Variants in POFUT2 observed in about 807,000 individuals in gnomAD.
POFUT2 encodes the protein protein O-fucosyltransferase 2, also known as GDP-fucose protein O-fucosyltransferase 2.
In POFUT2, 30 loss-of-function variants were observed where a neutral mutation model predicts 55.0. That is an observed-to-expected ratio of 0.55 (90% CI 0.41 to 0.74). The LOEUF is 0.74. Among genes scored for constraint, POFUT2 ranks in the 30% least tolerant of loss-of-function variants. The pLI is 0.00. For synonymous variants in POFUT2, 267 were observed against 231.1 expected (o/e 1.16, Z -1.41); for missense variants, 524 against 562.6 (o/e 0.93, Z 0.69).
At chr21:45,268,582 G>A (rs1298219513) in intron 7 of POFUT2, among the ~76,000 whole-genome samples, 2 of 151,448 alleles carry the variant, frequency 1.3e-5, no homozygotes, top group Non-Finnish European at 2.9e-5. Context: ...AGTGAGGAGC[G>A]TCTCTGCCCA....
chr21:45,268,337 C>A (rs1015070420), intron 7 of POFUT2, among the ~76,000 whole-genome samples: 2 of 152,210 alleles, frequency 1.3e-5, no homozygotes, highest in African/African-American at 4.8e-5. Context: ...TCGCTACAAC[C>A]TACACCTCCC....
chr21:45,271,588 C>G (rs1267699714), intron 6 of POFUT2, among the ~76,000 whole-genome samples: 1 of 152,176 alleles, frequency 6.6e-6, no homozygotes, highest in Non-Finnish European at 1.5e-5. Context: ...ATCTCCTAGG[C>G]ACACAGTCAT....
chr21:45,272,487 G>C (rs1034437533), intron 6 of POFUT2, among the ~76,000 whole-genome samples: 2 of 152,188 alleles, frequency 1.3e-5, no homozygotes, highest in Non-Finnish European at 2.9e-5. Context: ...TGACAGCACT[G>C]GACAGGTCAT....
Position 45,267,759 on chromosome 21 carries a change from AG to A in POFUT2, c.1013-47del. The stretch of plus-strand genomic sequence containing the variant: ...CCCTTTGAACCGGGATCCTCCAGTA[AG>A]GACAGATACGTGACTCTTTAGCAGA... On this transcript the variant is annotated intron_variant, in intron 7 of 8. Coordinates refer to ENST00000349485, the MANE Select transcript of POFUT2 (RefSeq NM_133635.6). The surrounding 1 kb of genome is among the most constrained non-coding windows in gnomAD (Gnocchi z 4.4). 1 of 1,555,090 alleles carries A rather than the reference AG, an allele frequency of 6.4e-7. No homozygotes were observed.
At chr21:45,283,594 A>G in intron 2 of POFUT2, 67 bp from the exon 3 acceptor site, 1 of 1,525,228 alleles carries the variant, frequency 6.6e-7, no homozygotes, top group Non-Finnish European at 9.0e-7. Context: ...GGCATGCATC[A>G]GTCACCAGCA....
chr21:45,282,164 G>C lies in POFUT2; in HGVS notation c.638+185C>G, dbSNP rs955244767. Among the ~76,000 whole-genome samples the C allele has an allele frequency of 6.6e-6, 1 of 152,168 alleles. No homozygotes were observed. Among genetic ancestry groups the C allele is most frequent in the Admixed American group, 6.5e-5 (1 of 15,270 alleles). ...TCCACGTCACCCACTGCACCCACTGGGCTGTTTCGCAGAGACACATGCAAG... is the reference window on the plus strand; with the variant it reads ...TCCACGTCACCCACTGCACCCACTGCGCTGTTTCGCAGAGACACATGCAAG... On this transcript the variant is annotated intron_variant, in intron 4 of 8. Transcript: ENST00000349485. This position sits in a 1 kb window ranked among gnomAD's most constrained non-coding sequence, Gnocchi z 4.6.
In POFUT2 at chr21:45,270,850, G is replaced by A. The variant is rs956627280; in HGVS notation, c.832-831C>T. ...GGGAGCCCCATCCCTAGGGGAAGGC[G>A]AAGAGCGCCACAGAGCACCCCGTGG... On this transcript the variant is annotated intron_variant, in intron 6 of 8. Coordinates refer to ENST00000349485, the MANE Select transcript of POFUT2 (RefSeq NM_133635.6). This position sits in a 1 kb window ranked among gnomAD's most constrained non-coding sequence, Gnocchi z 4.6. Among the ~76,000 whole-genome samples the A allele has an allele frequency of 1.2e-4, 19 of 152,376 alleles. No individual in the cohort carries two copies. The highest frequency in any genetic ancestry group is 2.0e-4 in the Admixed American group (3 of 15,310).
At chr21:45,266,641 G>A in intron 8 of POFUT2, 1 of 1,003,556 alleles carries the variant, frequency 1.0e-6, no homozygotes, top group Non-Finnish European at 1.2e-6. Context: ...CATCCTGTCT[G>A]CTTAACAGGG....
At chr21:45,269,289 C>A (rs1036490695) in intron 7 of POFUT2, among the ~76,000 whole-genome samples, 10 of 152,206 alleles carry the variant, frequency 6.6e-5, no homozygotes, top group African/African-American at 2.4e-4. Context: ...GGGAGGGGTA[C>A]CCAACAGCTC....
At chr21:45,283,320 G>C (rs2030963201) in intron 3 of POFUT2, 63 bp downstream of exon 3, 3 of 798,872 alleles carry the variant, frequency 3.8e-6, no homozygotes, top group African/African-American at 2.9e-5. Context: ...GGGGGGGGGG[G>C]ACGCATGCGG....
rs1355007083 is a variant in POFUT2 at position 45,287,887 on chromosome 21, C to T, written c.-16G>A. 7.6e-7 allele frequency: 1 copy of T among 1,315,092 alleles called. No homozygotes were observed. The highest frequency in any genetic ancestry group is 2.0e-5 in the South Asian group (1 of 50,298). 81.5% of individuals were successfully genotyped at this position (1,315,092 alleles called of 1,614,324 possible). ...GTGTCGCCATGGCCCCGGGCGGCCA[C>T]GCACTTCCGGCGGCCGCGCCCCGCC... On this transcript the variant is annotated 5_prime_UTR_variant, in exon 1 of 9. It adds an upstream start codon to the 5' untranslated region. Transcript: ENST00000349485.
chr21:45,271,187 C>G (rs1487968986), intron 6 of POFUT2, among the ~76,000 whole-genome samples: 1 of 151,314 alleles, frequency 6.6e-6, no homozygotes, highest in African/African-American at 2.4e-5. Flanking sequence ...CTCCAGATAA[C>G]TAGGTATCTT....
rs1028896141 is a variant in POFUT2, at chr21:45,270,802, C to A, written c.832-783G>T. Among the ~76,000 whole-genome samples, 13 of 152,236 alleles carry A rather than the reference C, an allele frequency of 8.5e-5. No homozygotes were observed. The highest frequency in any genetic ancestry group is 7.3e-5 in the Non-Finnish European group (5 of 68,042). On this transcript the variant is annotated intron_variant, in intron 6 of 8. Coordinates refer to ENST00000349485, the MANE Select transcript of POFUT2 (RefSeq NM_133635.6). This position sits in a 1 kb window ranked among gnomAD's most constrained non-coding sequence, Gnocchi z 4.6. The stretch of plus-strand genomic sequence containing the variant: ...GTGGCTAGACCCAGAAGAGCAATAA[C>A]AATCACTGCAGCCCAGCTCTCAGGG...
At chr21:45,273,594 CA>C (rs2093237934) in intron 6 of POFUT2, among the ~76,000 whole-genome samples, 1 of 152,178 alleles carries the variant, frequency 6.6e-6, no homozygotes, top group Admixed American at 6.5e-5. Context: ...AATCCAACAA[CA>C]TATCAAAAAG....
At chr21:45,276,194 G>A (rs8127834) in intron 6 of POFUT2, among the ~76,000 whole-genome samples, 48,480 of 147,834 alleles carry the variant, frequency 0.33, 8,033 homozygotes, top group East Asian at 0.45. Context: ...GTCTCAAAAC[G>A]AAAACAAAAA....
At chr21:45,268,354 C>T (rs1197633944) in intron 7 of POFUT2, among the ~76,000 whole-genome samples, 1 of 152,156 alleles carries the variant, frequency 6.6e-6, no homozygotes, top group African/African-American at 2.4e-5. Flanking sequence ...TCCCAGCCGC[C>T]TGCCTTGGCC....
intron 6 of POFUT2, among the ~76,000 whole-genome samples, chr21:45,276,676 C>G (rs959914799): frequency 6.6e-6 from 1 of 152,158 alleles, no homozygotes; most frequent in Admixed American, 6.5e-5. Flanking sequence ...GGAAAAAGGC[C>G]GAACGTGCCT....
rs1291510748 is a variant in POFUT2 at position 45,282,850 on chromosome 21, C to G, written c.528-391G>C. The stretch of plus-strand genomic sequence containing the variant: ...TGCCCTGGCACTGGACACATGGAGG[C>G]TGTTAACTGACAGCTTTTCCACAGG... On this transcript the variant is annotated intron_variant, in intron 3 of 8. Transcript: ENST00000349485. The surrounding 1 kb of genome is among the most constrained non-coding windows in gnomAD (Gnocchi z 4.6). 4.2e-6 allele frequency: 2 copies of G among 481,216 alleles called. No homozygotes were observed. The highest frequency in any genetic ancestry group is 8.5e-6 in the Non-Finnish European group (2 of 234,368). 29.8% of individuals were successfully genotyped at this position (481,216 alleles called of 1,614,324 possible).
chr21:45,266,138 A>G, intron 8 of POFUT2: 1 of 1,364,760 alleles, frequency 7.3e-7, no homozygotes. Context: ...ACCCTTCTCC[A>G]GGGGTTTCTC....
Sources: gnomAD v4.1 joint callset for allele counts (sites outside exome capture counted in the v4.1 genomes callset) on GRCh38, gnomAD v4.1.1 for gene constraint, Gnocchi (gnomAD v3.1) non-coding constraint, MANE v1.5 for transcripts, NCBI Gene and HGNC (gene_info 2026-07-23, HGNC 2026-07-21) for gene names.